SOD2: variants seen among roughly 807,000 people sequenced by gnomAD.
SOD2 encodes superoxide dismutase 2.
In SOD2, 11 loss-of-function variants were observed where a neutral mutation model predicts 27.0. That is an observed-to-expected ratio of 0.41 (90% CI 0.26 to 0.67). SOD2 has a LOEUF of 0.67. SOD2 is among the 30% of genes least tolerant of loss of function. SOD2 has a pLI of 0.34. For missense variants in SOD2, 250 were observed against 274.5 expected (o/e 0.91, Z 0.63); for synonymous variants, 105 against 103.0 (o/e 1.02, Z -0.12).
intron 1 of SOD2, chr6:159,714,078 T>C (rs1288710357): frequency 6.6e-6 from 4 of 602,074 alleles, no homozygotes; most frequent in Admixed American, 2.8e-5. Context: ...AAATGGGCTA[T>C]AGCAAGATGA....
chr6:159,710,888 C>T (rs62437319), intron 1 of SOD2, among the ~76,000 whole-genome samples: 47,298 of 131,488 alleles, frequency 0.36, 11,160 homozygotes, highest in Non-Finnish European at 0.48. Flanking sequence ...CCTCCATAAC[C>T]GCCTCGACAA....
At chr6:159,727,224 G>A (rs1193284568) in exon 1 of SOD2, 2 of 1,270,530 alleles carry the variant, frequency 1.6e-6, no homozygotes, top group African/African-American at 1.5e-5. Flanking sequence ...ATTGTGCCTC[G>A]AGGCCCCGAT....
upstream of SOD2, among the ~76,000 whole-genome samples, chr6:159,746,683 G>A (rs187798545): frequency 4.6e-5 from 7 of 152,220 alleles, no homozygotes; most frequent in African/African-American, 1.7e-4. Flanking sequence ...TATTTTGTTG[G>A]TAAGTAAAAT....
At chr6:159,727,511 T>G, upstream of SOD2, 1 of 992,398 alleles carries the variant, frequency 1.0e-6, no homozygotes, top group Non-Finnish European at 1.2e-6. Flanking sequence ...GTTTCCTCCC[T>G]CAGCGCCATT....
At chr6:159,753,297 T>C in intron 1 of SOD2, 1 of 1,033,194 alleles carries the variant, frequency 9.7e-7, no homozygotes, top group South Asian at 1.7e-5. Context: ...AATACTGAAA[T>C]GCAGAAGATG....
At chr6:159,732,884 A>AGTGTG (rs1562452316) in intron 1 of SOD2, among the ~76,000 whole-genome samples, 1 of 83,418 alleles carries the variant, frequency 1.2e-5, no homozygotes, top group South Asian at 5.5e-4. Flanking sequence ...GTATATATAT[A>AGTGTG]TAGTGTGTGT....
Position 159,738,536 on chromosome 6 carries a change from G to T in SOD2, c.-116+6594C>A, listed in dbSNP as rs547693291. On this transcript the variant is annotated intron_variant, in intron 1 of 3. Transcript: ENST00000537657. ...TTTTTTAGCTTTTACAAGTAAAGCT[G>T]CTTGCATGTTTTCATTTCTTTGAGA... 8.5e-5 allele frequency among the ~76,000 whole-genome samples: 13 copies of T among 152,280 alleles called. No individual in the cohort carries two copies. In the South Asian group the frequency reaches 2.7e-3, roughly 32 times the overall value.
rs780005148 is a variant in SOD2, at chr6:159,688,108, G to A, written c.343+18C>T. 4.1e-5 allele frequency: 53 copies of A among 1,282,632 alleles called. No individual in the cohort carries two copies. Among genetic ancestry groups the A allele is most frequent in the Non-Finnish European group, 5.1e-5 (45 of 878,018 alleles). 79.5% of individuals were successfully genotyped at this position (1,282,632 alleles called of 1,614,324 possible). On this transcript the variant is annotated intron_variant, in intron 3 of 4. Transcript: ENST00000538183. The stretch of plus-strand genomic sequence containing the variant: ...CTGTGCACAAAATGTAGATAAGGGT[G>A]CACCAATATATACCAACCTTTGGGT...
intron 1 of SOD2, among the ~76,000 whole-genome samples, chr6:159,708,253 T>G (rs1777664516): frequency 6.6e-6 from 1 of 152,250 alleles, no homozygotes; most frequent in Non-Finnish European, 1.5e-5. Context: ...AACATAGTGT[T>G]GGAAGTTCTG....
chr6:159,688,199 G>T lies in SOD2; in HGVS notation c.270C>A (p.Phe90Leu). 6.2e-7 allele frequency: 1 copy of T among 1,613,706 alleles called. No homozygotes were observed. The highest frequency in any genetic ancestry group is 8.5e-7 in the Non-Finnish European group (1 of 1,179,658). ...AQIALQPALK[F>L]NGGGHINHSI... ...TATGATTGATATGACCACCACCATT[G>T]AACTTCAGTGCAGGCTGAAGAGCTA... The change falls in exon 3 of 5, where the codon TTC (phenylalanine) becomes TTA (leucine). Residue 90 changes from phenylalanine to leucine, a missense_variant. Coordinates refer to ENST00000538183, the MANE Select transcript of SOD2 (RefSeq NM_000636.4).
chr6:159,707,851 T>C (rs558398074), intron 1 of SOD2, among the ~76,000 whole-genome samples: 1 of 152,244 alleles, frequency 6.6e-6, no homozygotes, highest in Non-Finnish European at 1.5e-5. Context: ...CTGATGAACA[T>C]TGATGCAAAA....
chr6:159,686,990 G>A (rs1196881253), intron 3 of SOD2, among the ~76,000 whole-genome samples: 1 of 152,122 alleles, frequency 6.6e-6, no homozygotes, highest in Non-Finnish European at 1.5e-5. Flanking sequence ...CTCATTCCCT[G>A]AACACTTTTT....
chr6:159,702,869 A>G (rs1236519326), intron 1 of SOD2, among the ~76,000 whole-genome samples: 1 of 148,858 alleles, frequency 6.7e-6, no homozygotes, highest in African/African-American at 2.5e-5. Context: ...AAAAAAAAAA[A>G]AAAAAGCCAG....
upstream of SOD2, among the ~76,000 whole-genome samples, chr6:159,745,804 T>TA (rs1318536511): frequency 1.3e-5 from 2 of 152,160 alleles, no homozygotes; most frequent in African/African-American, 4.8e-5. Flanking sequence ...GTGAGGCTGT[T>TA]AAAATAGTTC....
chr6:159,726,801 C>T, intron 1 of SOD2: 2 of 1,289,224 alleles, frequency 1.6e-6, no homozygotes, highest in Middle Eastern at 2.1e-4. Context: ...GAGACTGCGC[C>T]TCACGACTGA....
At position 159,713,056 on chromosome 6, in the gene SOD2, T is replaced by C. The variant is rs1777859703; in HGVS notation, c.-116+14073A>G. The C allele has an allele frequency of 2.9e-5, 19 of 658,322 alleles. 1 individual carries two copies. In the South Asian group the frequency reaches 3.3e-4, roughly 11 times the overall value. 40.8% of individuals were successfully genotyped at this position (658,322 alleles called of 1,614,324 possible). A position where few individuals can be genotyped will look rare whatever the true frequency, so the allele number is the denominator to read the frequency against. ...TCGTGTCCAATTTCAATATGTACTC[T>C]CATGAGGTTAAGAGGTGAATAGAAA... On this transcript the variant is annotated intron_variant, in intron 1 of 2. Coordinates refer to the SOD2 transcript ENST00000401980.
chr6:159,720,671 C>T (rs955164446), intron 1 of SOD2: 3 of 151,802 alleles, frequency 2.0e-5, no homozygotes, highest in African/African-American at 4.9e-5. Flanking sequence ...TATAGTCTTA[C>T]GACTTTTTTT....
chr6:159,712,168 AACCACCTCCACAACCACCACCCACATTG>A (rs1384585526), intron 1 of SOD2, among the ~76,000 whole-genome samples: 27 of 94,950 alleles, frequency 2.8e-4, no homozygotes, highest in South Asian at 1.5e-3. Context: ...TGACCACCAT[AACCACCTCCACAACCACCACCCACATTG>A]CTCTGATCAC....
intron 1 of SOD2, among the ~76,000 whole-genome samples, chr6:159,723,992 A>C (rs1350181664): frequency 6.6e-6 from 1 of 151,790 alleles, no homozygotes; most frequent in Admixed American, 6.6e-5. Flanking sequence ...TGAACTCCTA[A>C]GCCACTTTGG....
Sources: gnomAD v4.1 joint callset for allele counts (sites outside exome capture counted in the v4.1 genomes callset) on GRCh38, gnomAD v4.1.1 for gene constraint, MANE v1.5 for transcripts, NCBI Gene and HGNC (gene_info 2026-07-23, HGNC 2026-07-21) for gene names.